PIK3R3: variants seen among roughly 807,000 people sequenced by gnomAD.
The protein encoded by PIK3R3 is phosphatidylinositol 3-kinase regulatory subunit gamma.
A neutral mutation model predicts 62.9 loss-of-function variants in PIK3R3; 64 were observed. The ratio of observed to expected loss-of-function variants is 1.02; its 90% CI spans 0.83 to 1.25. The LOEUF (loss-of-function observed/expected upper bound fraction) is 1.25, where lower values mean the gene tolerates loss of function less well. Ranked by LOEUF, PIK3R3 falls within the 50% of genes most tolerant of loss-of-function variation. The pLI is 0.00. For missense variants in PIK3R3, 614 were observed against 561.6 expected (o/e 1.09, Z -0.94); for synonymous variants, 165 against 189.0 (o/e 0.87, Z 1.04).
chr1:46,119,277 T>C (rs571187574), intron 1 of PIK3R3, among the ~76,000 whole-genome samples: 1 of 152,346 alleles, frequency 6.6e-6, no homozygotes, highest in Non-Finnish European at 1.5e-5. Flanking sequence ...TTGAAAAACA[T>C]GAATTAACAC....
chr1:46,094,197 T>C (rs1651905457), intron 1 of PIK3R3, among the ~76,000 whole-genome samples: 1 of 152,140 alleles, frequency 6.6e-6, no homozygotes, highest in Non-Finnish European at 1.5e-5. Flanking sequence ...ATCCCAAAGA[T>C]ATCTATTTGT....
At chr1:46,080,902 G>A (rs1002709573) in intron 1 of PIK3R3, 152 bp from the exon 2 acceptor site, 1 of 569,944 alleles carries the variant, frequency 1.8e-6, no homozygotes, top group Non-Finnish European at 3.1e-6. Context: ...GCAACAGAAG[G>A]AATCCTTTTG....
intron 1 of PIK3R3, among the ~76,000 whole-genome samples, chr1:46,119,514 C>T (rs953361750): frequency 2.6e-5 from 4 of 152,154 alleles, no homozygotes; most frequent in African/African-American, 9.7e-5. Flanking sequence ...TCCAGAGACC[C>T]CTCTCTTAAC....
chr1:46,119,196 C>T (rs548625351), intron 1 of PIK3R3, among the ~76,000 whole-genome samples: 57 of 152,304 alleles, frequency 3.7e-4, no homozygotes, highest in African/African-American at 1.4e-3. Flanking sequence ...TAGAAATGTA[C>T]AGTCCATGAA....
intron 1 of PIK3R3, among the ~76,000 whole-genome samples, chr1:46,096,492 A>G (rs1341898012): frequency 6.6e-6 from 1 of 152,238 alleles, no homozygotes; most frequent in African/African-American, 2.4e-5. Context: ...GGGTGCCACA[A>G]GTCATTCCTC....
At chr1:46,091,972 C>T (rs1024382492) in intron 1 of PIK3R3, among the ~76,000 whole-genome samples, 1 of 151,472 alleles carries the variant, frequency 6.6e-6, no homozygotes. Context: ...TCACACACAC[C>T]CTGAATATTT....
At chr1:46,124,737 G>C (rs1288651084) in intron 1 of PIK3R3, among the ~76,000 whole-genome samples, 1 of 149,136 alleles carries the variant, frequency 6.7e-6, no homozygotes, top group Non-Finnish European at 1.5e-5. Flanking sequence ...CGGAGGTTGC[G>C]GTGAGCCGAG....
In PIK3R3 at chr1:46,062,046, A is replaced by C. The variant is rs1475227900; in HGVS notation, c.647T>G (p.Ile216Arg). 1 of 1,611,560 alleles carries C rather than the reference A, an allele frequency of 6.2e-7. No individual in the cohort carries two copies. The highest frequency in any genetic ancestry group is 1.1e-5 in the South Asian group (1 of 90,786). The change falls in exon 6 of 10, where the codon ATA becomes AGA. Residue 216 changes from isoleucine (I) to arginine (R), a missense_variant. Physicochemically the swap from Ile to Arg is moderately conservative, Grantham distance 97 (BLOSUM62 -3). Transcript: ENST00000262741. ...SQEIQMKRTA[I>R]EAFNETIKIF... is the part of the protein sequence containing the mutation. ...TTTAATTGTTTCATTAAAAGCTTCT[A>C]TTGCAGTCCTCTTCATCTGTATTTC... is the stretch of plus-strand genomic sequence containing the variant.
chr1:46,070,713 T>C (rs1476218531), intron 3 of PIK3R3, among the ~76,000 whole-genome samples: 2 of 152,198 alleles, frequency 1.3e-5, no homozygotes, highest in African/African-American at 4.8e-5. Flanking sequence ...TGTTGGAATT[T>C]AGTCTGGTGA....
At chr1:46,077,159 CT>C (rs1345507230) in intron 3 of PIK3R3, among the ~76,000 whole-genome samples, 22 of 152,306 alleles carry the variant, frequency 1.4e-4, no homozygotes, top group South Asian at 1.2e-3. Context: ...TTTCTAAAGT[CT>C]GCATTAAGGA....
At chr1:46,050,283 A>T (rs1010974631) in intron 7 of PIK3R3, among the ~76,000 whole-genome samples, 2 of 151,980 alleles carry the variant, frequency 1.3e-5, no homozygotes, top group Non-Finnish European at 2.9e-5. Flanking sequence ...TAAAGAATGA[A>T]GCCAGGTGCG....
intron 7 of PIK3R3, among the ~76,000 whole-genome samples, chr1:46,047,851 G>A (rs1273101264): frequency 1.3e-5 from 2 of 152,120 alleles, no homozygotes; most frequent in African/African-American, 4.8e-5. Flanking sequence ...CACAATCTCG[G>A]CTCACTGCAA....
At chr1:46,157,700 A>G in the PIK3R3 span, among the ~76,000 whole-genome samples, 924 of 152,334 alleles carry the variant, frequency 6.1e-3, 9 homozygotes, top group African/African-American at 8.3e-3. Flanking sequence ...AGGGACTCCA[A>G]GAGAAATCCC....
At position 46,052,148 on chromosome 1, in the gene PIK3R3, T is replaced by A. The variant is rs192077538; in HGVS notation, c.941+3647A>T. Among the ~76,000 whole-genome samples, 519 of 151,424 alleles carry A rather than the reference T, an allele frequency of 3.4e-3. 6 individuals carry two copies. The highest frequency in any genetic ancestry group is 0.033 in the East Asian group (172 of 5,150). On this transcript the variant is annotated intron_variant, in intron 7 of 9. Transcript: ENST00000262741. ...GTGAGACTCCATCTCAAAAAAAAAA[T>A]TAAATAAAATAAATAACTAAGAATA...
chr1:46,111,405 G>GT (rs1653730293), intron 1 of PIK3R3, among the ~76,000 whole-genome samples: 1 of 151,852 alleles, frequency 6.6e-6, no homozygotes, highest in Non-Finnish European at 1.5e-5. Context: ...TTACCTCTGG[G>GT]GGTAAGAAGG....
chr1:46,158,734 A>T, the PIK3R3 span, among the ~76,000 whole-genome samples: 3 of 152,244 alleles, frequency 2.0e-5, no homozygotes, highest in Non-Finnish European at 4.4e-5. Flanking sequence ...AGGGAGAATC[A>T]CAAATCATTA....
At chr1:46,147,736 T>G in the PIK3R3 span, among the ~76,000 whole-genome samples, 1 of 152,206 alleles carries the variant, frequency 6.6e-6, no homozygotes, top group African/African-American at 2.4e-5. Context: ...GAACTCTGTT[T>G]TTTTAAATAG....
chr1:46,167,682 C>T, the PIK3R3 span, among the ~76,000 whole-genome samples: 5,208 of 152,260 alleles, frequency 0.034, 290 homozygotes, highest in African/African-American at 0.12. Context: ...CTACTGTGTG[C>T]TCACAGAGCA....
At chr1:46,149,820 C>T in the PIK3R3 span, among the ~76,000 whole-genome samples, 93 of 152,248 alleles carry the variant, frequency 6.1e-4, 2 homozygotes, top group South Asian at 0.014. Flanking sequence ...CCTAAGCCTC[C>T]GCACCCGGCC....
Sources: allele counts gnomAD v4.1 joint callset (sites outside exome capture counted in the v4.1 genomes callset), GRCh38; gene constraint gnomAD v4.1.1; transcripts MANE v1.5; gene names NCBI Gene and HGNC (gene_info 2026-07-23, HGNC 2026-07-21).